TEP1: variants seen among roughly 807,000 people sequenced by gnomAD.
The protein encoded by TEP1 is telomerase protein component 1.
Under a neutral mutation model 306.3 loss-of-function variants are expected in TEP1, and 241 were observed. The ratio of observed to expected loss-of-function variants is 0.79; its 90% CI spans 0.71 to 0.88. The LOEUF is 0.88. Ranked by LOEUF, TEP1 falls within the 40% of genes least tolerant of loss-of-function variation. The probability of loss-of-function intolerance (pLI) is 0.00; values close to 1 mark genes in which losing one functional copy is unlikely to be tolerated. For missense variants in TEP1, 3,051 were observed against 3,276.1 expected, an observed-to-expected ratio of 0.93 and a Z score of 1.68; for synonymous variants, 1,289 against 1,305.5, an observed-to-expected ratio of 0.99 and a Z score of 0.27.
Position 20,405,564 on chromosome 14 carries a change from A to G in TEP1, c.757T>C (p.Cys253Arg). Reference sequence around the variant, plus strand: ...TTTACTTCTGAGACCAGAGTAGAGCACAGCAAGCTCAGTAGAGCCATCTGG... The same window carrying G: ...TTTACTTCTGAGACCAGAGTAGAGCGCAGCAAGCTCAGTAGAGCCATCTGG... ...EKKMALLSLL[C>R]STLVSEVNMN... The change falls in exon 4 of 55, where the codon TGC becomes CGC. Residue 253 changes from cysteine to arginine, a missense_variant. This residue lies in a region of TEP1 where 1,507 missense variants were observed against 1,550.5 expected (regional missense o/e 0.97). Transcript: ENST00000262715. 1 of 1,614,138 alleles carries G rather than the reference A, an allele frequency of 6.2e-7. No homozygotes were observed. Among genetic ancestry groups the G allele is most frequent in the Non-Finnish European group, 8.5e-7 (1 of 1,180,018 alleles).
Position 20,382,282 on chromosome 14 carries a change from C to T in TEP1, c.4215G>A (p.Lys1405=). ...LLQHILSTLE[K]EHGPDVLPQA... ...GGGGAAGGACATCAGGCCCGTGCTC[C>T]TTCTCCAGTGTGCTCAGGATGTGCT... The change falls in exon 29 of 55, where the codon AAG becomes AAA. Residue 1405 remains lysine (K), a synonymous_variant. Transcript: ENST00000262715. 1 of 1,614,168 alleles carries T rather than the reference C, an allele frequency of 6.2e-7. No homozygotes were observed. Among genetic ancestry groups the T allele is most frequent in the Admixed American group, 1.7e-5 (1 of 60,018 alleles).
At chr14:20,400,738 T>C (rs1878639789) in intron 9 of TEP1, 1 of 485,558 alleles carries the variant, frequency 2.1e-6, no homozygotes. Context: ...ACTTTTGTCA[T>C]ATGTTGATAA....
rs773710293 is a variant in TEP1 at position 20,391,049 on chromosome 14, C to T, written c.2145G>A (p.Arg715=). Residue 715 remains arginine (R), a synonymous_variant, in exon 14 of 55, where the codon AGG becomes AGA. Coordinates refer to ENST00000262715, the MANE Select transcript of TEP1 (RefSeq NM_007110.5). ...ACAGCACGACGTCCACCTGCTCCGCCCTCGTGATCATCATCCCAATCAACA... is the reference window on the plus strand; with the variant it reads ...ACAGCACGACGTCCACCTGCTCCGCTCTCGTGATCATCATCCCAATCAACA... ...ALLLIGMMIT[R]AEQVDVVLCG... is the part of the protein sequence containing the mutation. 3 of 1,614,136 alleles carry T rather than the reference C, an allele frequency of 1.9e-6. No individual in the cohort carries two copies. The highest frequency in any genetic ancestry group is 8.5e-7 in the Non-Finnish European group (1 of 1,180,036).
rs752451189 is a variant in TEP1, at chr14:20,408,281, G to A, written c.159C>T (p.Ala53=). ...DILSLKNQCL[A]TLPDLKTMEK... ...CCATGGTCTTCAGGTCAGGAAGCGT[G>A]GCTAGGCACTGGTTCTTCAAGGAGA... The change falls in exon 2 of 55, where the codon GCC becomes GCT. Residue 53 remains alanine, a synonymous_variant. Transcript: ENST00000262715. 2 of 1,613,482 alleles carry A rather than the reference G, an allele frequency of 1.2e-6. No individual in the cohort carries two copies. Among genetic ancestry groups the A allele is most frequent in the Non-Finnish European group, 1.7e-6 (2 of 1,179,518 alleles).
In TEP1 at chr14:20,378,187, G is replaced by C. The variant is rs1487728185; in HGVS notation, c.5558C>G (p.Pro1853Arg). Residue 1853 changes from proline (P) to arginine (R), a missense_variant, in exon 39 of 55, where the codon CCT (proline) becomes CGT (arginine). Physicochemically the swap from Pro to Arg is moderately radical, Grantham distance 103. This residue lies in a region of TEP1 where 1,540 missense variants were observed against 1,705.9 expected (regional missense o/e 0.90). Transcript: ENST00000262715. Reference sequence around the variant, plus strand: ...CCGGCCCACAGCCACAACCCCCCCAGGCACATTGAAGGCCAAGGTACGGAT... The same window carrying C: ...CCGGCCCACAGCCACAACCCCCCCACGCACATTGAAGGCCAAGGTACGGAT... ...ASIRTLAFNV[P>R]GGVVAVGRLD... 1 of 1,613,664 alleles carries C rather than the reference G, an allele frequency of 6.2e-7. No individual in the cohort carries two copies. Among genetic ancestry groups the C allele is most frequent in the Non-Finnish European group, 8.5e-7 (1 of 1,180,042 alleles).
rs933065363 is a variant in TEP1 at position 20,406,350 on chromosome 14, A to C, written c.618T>G (p.Pro206=). 1.9e-6 allele frequency: 3 copies of C among 1,613,988 alleles called. No homozygotes were observed. The highest frequency in any genetic ancestry group is 1.7e-5 in the Admixed American group (1 of 59,996). Residue 206 remains proline (P), a synonymous_variant, in exon 3 of 55, where the codon CCT becomes CCG. Transcript: ENST00000262715. ...EEKKGAETQM[P]SYSLSLGEEE... is the part of the protein sequence containing the mutation. ...CCTCTCCCAAGCTCAGACTATAAGA[A>C]GGCATTTGGGTCTCTGCCCCTTTCT...
rs532372748 is a variant in TEP1, at chr14:20,369,782, G to C, written c.7318-3C>G. 3 of 1,612,618 alleles carry C rather than the reference G, an allele frequency of 1.9e-6. No individual in the cohort carries two copies. The highest frequency in any genetic ancestry group is 2.2e-5 in the East Asian group (1 of 44,860). ...AACTCTCCTGATTCCTTTTGCCTCT[G>C]TGAAAGAATAGGTAATTTTGTTTAG... On this transcript the variant is annotated splice_region_variant and splice_polypyrimidine_tract_variant and intron_variant, in intron 51 of 54. Coordinates refer to ENST00000262715, the MANE Select transcript of TEP1 (RefSeq NM_007110.5).
Position 20,386,510 on chromosome 14 carries a change from C to A in TEP1, c.2798G>T (p.Arg933Leu). Residue 933 changes from arginine (R) to leucine (L), a missense_variant, in exon 19 of 55, where the codon CGT (arginine) becomes CTT (leucine). By Grantham distance (102) the Arg-to-Leu change is moderately radical (BLOSUM62 -2). This residue lies in a region of TEP1 where 1,507 missense variants were observed against 1,550.5 expected (regional missense o/e 0.97). Coordinates refer to ENST00000262715, the MANE Select transcript of TEP1 (RefSeq NM_007110.5). ...GAGGTCGATTCCGTGAAGGCTGATA[C>A]GGTGAGGGGCCGCTCGGGCCTGCAG... ...PALQARAAPHRISLHGIDLRW... is the reference protein window; with the variant it reads ...PALQARAAPHLISLHGIDLRW... The A allele has an allele frequency of 6.2e-7, 1 of 1,612,812 alleles. No individual in the cohort carries two copies. The highest frequency in any genetic ancestry group is 8.5e-7 in the Non-Finnish European group (1 of 1,179,366).
At chr14:20,403,600 C>A in intron 6 of TEP1, 123 bp downstream of exon 6, 4 of 1,585,602 alleles carry the variant, frequency 2.5e-6, no homozygotes, top group Non-Finnish European at 3.4e-6. Flanking sequence ...CTCTACCCAG[C>A]TCCCCTGCAT....
intron 12 of TEP1, among the ~76,000 whole-genome samples, chr14:20,393,238 A>G (rs565215525): frequency 1.3e-5 from 2 of 152,190 alleles, no homozygotes; most frequent in East Asian, 3.9e-4. Context: ...GAGAAGAAAA[A>G]AAAGAAAATG....
At position 20,379,933 on chromosome 14, in the gene TEP1, C is replaced by G. The variant is rs1885427589; in HGVS notation, c.5124G>C (p.Trp1708Cys). 3 of 1,610,192 alleles carry G rather than the reference C, an allele frequency of 1.9e-6. No individual in the cohort carries two copies. Among genetic ancestry groups the G allele is most frequent in the Admixed American group, 1.7e-5 (1 of 58,956 alleles). The change falls in exon 35 of 55, where the codon TGG becomes TGC. Residue 1708 changes from tryptophan to cysteine, a missense_variant. By Grantham distance (215) the Trp-to-Cys change is radical. This residue lies in a region of TEP1 where 1,540 missense variants were observed against 1,705.9 expected (regional missense o/e 0.90). Transcript: ENST00000262715. ...GTVYLLDLRT[W>C]QEEKSVVSGC... ...TGCCCCTCCTTGATTGTCATACCTG[C>G]CAAGTTCTCAGGTCCAACAGGTAAA...
rs745360903 is a variant in TEP1, at chr14:20,401,123, C to A, written c.1410G>T (p.Gln470His). 1 of 1,614,144 alleles carries A rather than the reference C, an allele frequency of 6.2e-7. No individual in the cohort carries two copies. Among genetic ancestry groups the A allele is most frequent in the South Asian group, 1.1e-5 (1 of 91,066 alleles). Residue 470 changes from glutamine (Q) to histidine (H), a missense_variant, in exon 9 of 55, where the codon CAG (glutamine) becomes CAT (histidine). By Grantham distance (24) the Gln-to-His change is conservative (BLOSUM62 0). Coordinates refer to ENST00000262715, the MANE Select transcript of TEP1 (RefSeq NM_007110.5). Reference protein sequence around the residue: ...LLGYRYPSNLQLFSRSRLPGP... With the variant: ...LLGYRYPSNLHLFSRSRLPGP... ...CAGGAAGGCGACTTCGAGAAAAGAG[C>A]TGTAGGTTGGAGGGGTATCTGAGGA...
At chr14:20,405,399 A>C in intron 4 of TEP1, 52 bp downstream of exon 4, 2 of 1,456,562 alleles carry the variant, frequency 1.4e-6, no homozygotes, top group African/African-American at 1.6e-5. Flanking sequence ...CCATAACCAC[A>C]CTCCCAGTCT....
intron 5 of TEP1, 106 bp from the exon 6 acceptor site, chr14:20,403,990 A>G: frequency 1.4e-6 from 2 of 1,457,480 alleles, no homozygotes; most frequent in South Asian, 2.5e-5. Flanking sequence ...AGTAGCGAGC[A>G]AGTTCCCAGC....
rs999864789 is a variant in TEP1 at position 20,391,830 on chromosome 14, G to T, written c.1929-63C>A. The T allele has an allele frequency of 6.4e-6, 10 of 1,558,746 alleles. 1 individual carries two copies. In the East Asian group the frequency reaches 2.3e-4, roughly 35 times the overall value. ...ACTTATCTGCCCCTTAGAGGCAGAC[G>T]GGGAGATGAGAAGTTGCCACTAAGT... On this transcript the variant is annotated intron_variant, in intron 12 of 54. Coordinates refer to ENST00000262715, the MANE Select transcript of TEP1 (RefSeq NM_007110.5).
At position 20,368,353 on chromosome 14, in the gene TEP1, T is replaced by C; in HGVS notation, c.*84A>G. 1 of 1,433,822 alleles carries C rather than the reference T, an allele frequency of 7.0e-7. No homozygotes were observed. The highest frequency in any genetic ancestry group is 9.4e-7 in the Non-Finnish European group (1 of 1,064,832). The allele number at this position is 1,433,822 out of a possible 1,614,324, so 88.8% of individuals were successfully genotyped here. On this transcript the variant is annotated 3_prime_UTR_variant, in exon 55 of 55. Coordinates refer to ENST00000262715, the MANE Select transcript of TEP1 (RefSeq NM_007110.5). ...TTTATAATTATCAAGAAATTATTAA[T>C]TTTATAATTATTAAAAGCTACCAGT...
chr14:20,386,860 A>G (rs1339033609), intron 18 of TEP1, among the ~76,000 whole-genome samples: 1 of 152,028 alleles, frequency 6.6e-6, no homozygotes, highest in Non-Finnish European at 1.5e-5. Flanking sequence ...TCATTTTTAT[A>G]TACTTACTGC....
In TEP1 at chr14:20,391,070, C is replaced by G. The variant is rs1877672326; in HGVS notation, c.2124G>C (p.Leu708Phe). 6.2e-7 allele frequency: 1 copy of G among 1,614,162 alleles called. No individual in the cohort carries two copies. Among genetic ancestry groups the G allele is most frequent in the Non-Finnish European group, 8.5e-7 (1 of 1,180,042 alleles). Residue 708 changes from leucine to phenylalanine, a missense_variant, in exon 14 of 55, where the codon TTG becomes TTC. By Grantham distance (22) the Leu-to-Phe change is conservative. Around this residue, in one of 3 missense-constraint regions of TEP1, gnomAD observed 1,507 missense variants for 1,550.5 expected, o/e 0.97. Coordinates refer to ENST00000262715, the MANE Select transcript of TEP1 (RefSeq NM_007110.5). ...CCGCCCTCGTGATCATCATCCCAAT[C>G]AACAGCAGTGCATAGTTCAGCGGGG... is the stretch of plus-strand genomic sequence containing the variant. Reference protein sequence around the residue: ...QGPPLNYALLLIGMMITRAEQ... With the variant: ...QGPPLNYALLFIGMMITRAEQ...
In TEP1 at chr14:20,380,061, A is replaced by T; in HGVS notation, c.5004-8T>A. The T allele has an allele frequency of 6.2e-7, 1 of 1,607,750 alleles. No individual in the cohort carries two copies. The highest frequency in any genetic ancestry group is 8.5e-7 in the Non-Finnish European group (1 of 1,178,108). On this transcript the variant is annotated splice_polypyrimidine_tract_variant and splice_region_variant and intron_variant, in intron 34 of 54. Transcript: ENST00000262715. Reference sequence around the variant, plus strand: ...GCCAGAGACAGGCTGGAGCTAGAGAAAGAGTAGGAAGAAAGGGAGGAAATA... The same window carrying T: ...GCCAGAGACAGGCTGGAGCTAGAGATAGAGTAGGAAGAAAGGGAGGAAATA...
Sources: allele counts gnomAD v4.1 joint callset (sites outside exome capture counted in the v4.1 genomes callset), GRCh38; gene constraint gnomAD v4.1.1; regional missense constraint gnomAD v4.1.1; transcripts MANE v1.5; gene names NCBI Gene and HGNC (gene_info 2026-07-23, HGNC 2026-07-21).